The following TULP3 variants were observed in gnomAD, a reference collection of about 807,000 sequenced individuals.
The protein encoded by TULP3 is tubby-related protein 3.
TULP3 carries 38 observed loss-of-function variants against 50.7 expected under a neutral mutation model. The observed-to-expected ratio is 0.75, with a 90% CI of 0.58 to 0.98. The LOEUF (loss-of-function observed/expected upper bound fraction) is 0.98. TULP3 is among the 50% of genes least tolerant of loss of function. The probability of loss-of-function intolerance (pLI) is 0.00; values close to 1 mark genes in which losing one functional copy is unlikely to be tolerated. For synonymous variants in TULP3, 183 were observed against 196.6 expected (o/e 0.93, Z 0.58); for missense variants, 550 against 568.0 (o/e 0.97, Z 0.32).
At position 2,934,429 on chromosome 12, in the gene TULP3, T is replaced by C; in HGVS notation, c.810-18T>C. ...AAAAAATACAGATCATCATGGTGAC[T>C]TTTTCTCCTGACTCCAGATCCAACC... On this transcript the variant is annotated intron_variant, in intron 7 of 10. Transcript: ENST00000448120. The C allele has an allele frequency of 2.0e-6, 3 of 1,521,872 alleles. No homozygotes were observed. Among genetic ancestry groups the C allele is most frequent in the Non-Finnish European group, 2.7e-6 (3 of 1,130,546 alleles). The allele number at this position is 1,521,872 out of a possible 1,614,324, so 94.3% of individuals were successfully genotyped here. A position where few individuals can be genotyped will look rare whatever the true frequency, so the allele number is the denominator to read the frequency against.
chr12:2,937,568 A>C, intron 8 of TULP3, 63 bp from the exon 9 acceptor site: 1 of 1,162,862 alleles, frequency 8.6e-7, no homozygotes, highest in South Asian at 1.3e-5. Flanking sequence ...CTCATGTTAT[A>C]AAAGAATGTG....
In TULP3 at chr12:2,939,514, C is replaced by G; in HGVS notation, c.*70C>G. On this transcript the variant is annotated 3_prime_UTR_variant, in exon 11 of 11. Transcript: ENST00000448120. The surrounding 1 kb of genome is among the most constrained non-coding windows in gnomAD (Gnocchi z 4.0). The stretch of plus-strand genomic sequence containing the variant: ...GAGCAGACAGTGGCCTCCCCTTCCC[C>G]TCCCTGCCCCAGGACTTAAAGAGCA... The G allele has an allele frequency of 6.3e-7, 1 of 1,589,668 alleles. No homozygotes were observed. Among genetic ancestry groups the G allele is most frequent in the Non-Finnish European group, 8.5e-7 (1 of 1,170,106 alleles).
intron 8 of TULP3, among the ~76,000 whole-genome samples, chr12:2,937,200 A>ATTTT (rs771074689): frequency 0.014 from 738 of 54,480 alleles, 180 homozygotes; most frequent in Middle Eastern, 0.067. Flanking sequence ...GGTACACCTG[A>ATTTT]TTTTTTTTTT....
At chr12:2,899,669 G>T (rs1029513339) in intron 1 of TULP3, among the ~76,000 whole-genome samples, 1 of 152,088 alleles carries the variant, frequency 6.6e-6, no homozygotes, top group Admixed American at 6.6e-5. Context: ...CAAGGTGGGC[G>T]GATCACGAGG....
Position 2,940,916 on chromosome 12 carries a change from G to A in TULP3, c.*1472G>A. On this transcript the variant is annotated 3_prime_UTR_variant, in exon 11 of 11. Coordinates refer to ENST00000448120, the MANE Select transcript of TULP3 (RefSeq NM_003324.5). Reference sequence around the variant, plus strand: ...CCACCCCATCCTGAGGCACTGCCTGGCAGATAACCCTGGTTGGCCACAGAA... The same window carrying A: ...CCACCCCATCCTGAGGCACTGCCTGACAGATAACCCTGGTTGGCCACAGAA... 1 of 586,264 alleles carries A rather than the reference G, an allele frequency of 1.7e-6. No individual in the cohort carries two copies. The highest frequency in any genetic ancestry group is 3.0e-6 in the Non-Finnish European group (1 of 336,034). 36.3% of individuals were successfully genotyped at this position (586,264 alleles called of 1,614,324 possible).
intron 1 of TULP3, among the ~76,000 whole-genome samples, chr12:2,895,884 A>T (rs972394894): frequency 1.3e-5 from 2 of 150,230 alleles, no homozygotes; most frequent in African/African-American, 4.9e-5. Flanking sequence ...ATTGTAGGCA[A>T]TTGGAACACA....
intron 2 of TULP3, among the ~76,000 whole-genome samples, chr12:2,912,016 A>C (rs2041310): frequency 5.9e-4 from 90 of 151,746 alleles, no homozygotes; most frequent in Middle Eastern, 6.9e-3. Flanking sequence ...AATGCCAATA[A>C]GTGCTTAAGA....
intron 9 of TULP3, 70 bp downstream of exon 9, chr12:2,937,799 CAAAAAA>C: frequency 5.6e-6 from 4 of 720,642 alleles, no homozygotes; most frequent in Non-Finnish European, 7.9e-6. Flanking sequence ...GAGATTAATA[CAAAAAA>C]AAAAAAAAAG....
intron 4 of TULP3, among the ~76,000 whole-genome samples, chr12:2,924,892 AT>A (rs1457753733): frequency 6.6e-6 from 1 of 152,000 alleles, no homozygotes; most frequent in East Asian, 1.9e-4. Context: ...TTAAAAAAAA[AT>A]AGGGCTGGGC....
chr12:2,927,856 G>C lies in TULP3; in HGVS notation c.395-2392G>C, dbSNP rs138689000. Among the ~76,000 whole-genome samples the C allele has an allele frequency of 1.9e-3, 289 of 152,062 alleles. 2 individuals are homozygous for C. The highest frequency in any genetic ancestry group is 6.7e-3 in the African/African-American group (277 of 41,458). On this transcript the variant is annotated intron_variant, in intron 4 of 10. Transcript: ENST00000448120. ...TGATTCAAGGACCATTTCAGTGAGG[G>C]GTAACTTCACCCCGCAGATACTAGA...
chr12:2,892,271 T>C (rs1442535350), intron 1 of TULP3, among the ~76,000 whole-genome samples: 3 of 152,170 alleles, frequency 2.0e-5, no homozygotes, highest in African/African-American at 7.2e-5. Context: ...TGCTTTTTTT[T>C]TTCCCAAGTC....
chr12:2,935,847 A>C (rs1465566981), intron 8 of TULP3, among the ~76,000 whole-genome samples: 1 of 152,014 alleles, frequency 6.6e-6, no homozygotes, highest in Non-Finnish European at 1.5e-5. Context: ...CAGTCGCTGG[A>C]GTCCCAGCTA....
intron 4 of TULP3, among the ~76,000 whole-genome samples, chr12:2,926,641 C>G (rs1185705649): frequency 6.6e-6 from 1 of 152,216 alleles, no homozygotes; most frequent in Non-Finnish European, 1.5e-5. Context: ...GTGGCTCACG[C>G]CGGTAATTCC....
rs1004543130 is a variant in TULP3, at chr12:2,940,998, A to G, written c.*1554A>G. On this transcript the variant is annotated 3_prime_UTR_variant, in exon 11 of 11. Transcript: ENST00000448120. ...ACTTATGGTGGGCCAGGTGGACCTC[A>G]TCCTGCTTCTTCCTCCCTCTGGTTT... The G allele has an allele frequency of 7.1e-5, 30 of 420,234 alleles. 1 individual carries two copies. In the South Asian group the frequency reaches 1.7e-3, roughly 23 times the overall value. 26.0% of individuals were successfully genotyped at this position (420,234 alleles called of 1,614,324 possible).
At position 2,939,084 on chromosome 12, in the gene TULP3, G is replaced by A. The variant is rs528060622; in HGVS notation, c.1196-227G>A. Among the ~76,000 whole-genome samples the A allele has an allele frequency of 9.1e-4, 139 of 152,172 alleles. No homozygotes were observed. The highest frequency in any genetic ancestry group is 3.4e-3 in the Middle Eastern group (1 of 292). ...TTCACAAAAAGTAAAATATTAGCCA[G>A]GCGTGGTGGCGCTTGCCTGTAGTCC... On this transcript the variant is annotated intron_variant, in intron 10 of 10. Coordinates refer to ENST00000448120, the MANE Select transcript of TULP3 (RefSeq NM_003324.5). The surrounding 1 kb of genome is among the most constrained non-coding windows in gnomAD (Gnocchi z 4.0).
In TULP3 at chr12:2,938,310, G is replaced by A. The variant is rs375083549; in HGVS notation, c.1195+25G>A. On this transcript the variant is annotated intron_variant, in intron 10 of 10. Coordinates refer to ENST00000448120, the MANE Select transcript of TULP3 (RefSeq NM_003324.5). Reference sequence around the variant, plus strand: ...CGTAAGCCTCCAGGAGGGGTTGGGTGGGAAGAGGAGGACAGATGCTCTTAC... The same window carrying A: ...CGTAAGCCTCCAGGAGGGGTTGGGTAGGAAGAGGAGGACAGATGCTCTTAC... The A allele has an allele frequency of 1.5e-5, 24 of 1,608,922 alleles. No individual in the cohort carries two copies. The African/African-American group carries it at 3.1e-4, about 21-fold the overall frequency.
intron 1 of TULP3, among the ~76,000 whole-genome samples, chr12:2,892,873 A>T (rs11062402): frequency 5.8e-5 from 8 of 137,460 alleles, no homozygotes; most frequent in Admixed American, 7.4e-5. Context: ...TTTAATTTTA[A>T]TTTTTTTTTT....
intron 2 of TULP3, among the ~76,000 whole-genome samples, chr12:2,915,621 T>A (rs1031205642): frequency 1.3e-5 from 2 of 151,496 alleles, no homozygotes; most frequent in African/African-American, 4.8e-5. Context: ...TCAGGCTCAC[T>A]GCAACCTCCA....
At chr12:2,921,628 G>A (rs1027365281) in intron 3 of TULP3, among the ~76,000 whole-genome samples, 1 of 152,158 alleles carries the variant, frequency 6.6e-6, no homozygotes, top group Non-Finnish European at 1.5e-5. Flanking sequence ...AAGATTGTAA[G>A]TGCCTCTAAA....
Sources: allele counts gnomAD v4.1 joint callset (sites outside exome capture counted in the v4.1 genomes callset), GRCh38; gene constraint gnomAD v4.1.1; non-coding constraint Gnocchi (gnomAD v3.1); transcripts MANE v1.5; gene names NCBI Gene and HGNC (gene_info 2026-07-23, HGNC 2026-07-21).